The following ANKRD54 variants were observed in gnomAD, a reference collection of about 807,000 sequenced individuals.
ANKRD54 encodes ankyrin repeat domain-containing protein 54.
In ANKRD54, 26 loss-of-function variants were observed where a neutral mutation model predicts 36.2. The ratio of observed to expected loss-of-function variants is 0.72; its 90% CI spans 0.53 to 1.00. The LOEUF is 1.00. Ranked by LOEUF, ANKRD54 falls within the 50% of genes least tolerant of loss-of-function variation. The pLI is 0.00. For synonymous variants in ANKRD54, 209 were observed against 188.4 expected, an observed-to-expected ratio of 1.11 and a Z score of -0.89; for missense variants, 384 against 424.3, an observed-to-expected ratio of 0.91 and a Z score of 0.83.
intron 7 of ANKRD54, 38 bp from the exon 8 acceptor site, chr22:37,832,055 G>T (rs923139765): frequency 2.5e-6 from 4 of 1,573,036 alleles, no homozygotes; most frequent in East Asian, 2.3e-5. Flanking sequence ...TGGGACACGG[G>T]GTGTGCCAGG....
Position 37,832,745 on chromosome 22 carries a change from C to T in ANKRD54, c.721-1G>A, listed in dbSNP as rs1393789104. On this transcript the variant is annotated splice_acceptor_variant, in intron 6 of 7. Transcript: ENST00000215941. LOFTEE classifies it high-confidence loss of function. ...GATACTCCCTCAGCATATGGATGAT[C>T]TGGAACAAGAGGGTGAGCTGAGCTG... is the stretch of plus-strand genomic sequence containing the variant. The T allele has an allele frequency of 6.2e-7, 1 of 1,614,106 alleles. No individual in the cohort carries two copies. Among genetic ancestry groups the T allele is most frequent in the African/African-American group, 1.3e-5 (1 of 75,034 alleles).
At chr22:37,838,646 T>C (rs1449600333) in intron 2 of ANKRD54, 48 bp from the exon 3 acceptor site, 1 of 1,564,942 alleles carries the variant, frequency 6.4e-7, no homozygotes, top group Non-Finnish European at 8.6e-7. Flanking sequence ...GCGGCGATGT[T>C]AGCTAAGCTG....
At chr22:37,847,506 A>G (rs965473410), upstream of ANKRD54, among the ~76,000 whole-genome samples, 2 of 152,060 alleles carry the variant, frequency 1.3e-5, no homozygotes, top group African/African-American at 2.4e-5. Flanking sequence ...ATGTCTCCCA[A>G]AGTTAGCTCG....
upstream of ANKRD54, chr22:37,847,583 A>T: frequency 2.2e-6 from 1 of 459,262 alleles, no homozygotes; most frequent in Non-Finnish European, 4.2e-6. Flanking sequence ...GTTAGATCAG[A>T]TCTCTTTCAC....
At chr22:37,849,237 C>T (rs1925006947), upstream of ANKRD54, 8 of 613,068 alleles carry the variant, frequency 1.3e-5, no homozygotes, top group South Asian at 1.6e-4. Flanking sequence ...GGTGATCCGC[C>T]CGCCTCGGCC....
chr22:37,844,113 G>T lies in ANKRD54; in HGVS notation c.126C>A (p.Phe42Leu). ...DAEGLFSFAD[F>L]GSALGGGGAG... ...CGCCGCCGCCGCCCAGCGCAGACCC[G>T]AAGTCAGCGAAGGAGAAGAGGCCCT... The change falls in exon 1 of 8, where the codon TTC becomes TTA. Residue 42 changes from phenylalanine (F) to leucine (L), a missense_variant. Coordinates refer to ENST00000215941, the MANE Select transcript of ANKRD54 (RefSeq NM_138797.4). 6.7e-7 allele frequency: 1 copy of T among 1,487,888 alleles called. No individual in the cohort carries two copies. Among genetic ancestry groups the T allele is most frequent in the Non-Finnish European group, 8.9e-7 (1 of 1,126,406 alleles). 92.2% of individuals were successfully genotyped at this position (1,487,888 alleles called of 1,614,324 possible).
At chr22:37,838,453 G>A (rs1344442645) in intron 3 of ANKRD54, 47 bp downstream of exon 3, 1 of 1,553,018 alleles carries the variant, frequency 6.4e-7, no homozygotes, top group African/African-American at 1.4e-5. Context: ...CCTGTGCAGA[G>A]ACACTACTTG....
chr22:37,844,213 T>C lies in ANKRD54; in HGVS notation c.26A>G (p.Asp9Gly), dbSNP rs747144835. Residue 9 changes from aspartate to glycine, a missense_variant, in exon 1 of 8, where the codon GAC (aspartate) becomes GGC (glycine). Coordinates refer to ENST00000215941, the MANE Select transcript of ANKRD54 (RefSeq NM_138797.4). ...CGAGTGGCCTGAGCGCGGCTCGTCG[T>C]CCGCGTCCCCGGCGGCGGCTGCCAT... MAAAAGDADDEPRSGHSSS... is the reference protein window; with the variant it reads MAAAAGDAGDEPRSGHSSS... The C allele has an allele frequency of 6.5e-7, 1 of 1,527,350 alleles. No homozygotes were observed. The highest frequency in any genetic ancestry group is 2.0e-5 in the Admixed American group (1 of 50,648). The allele number at this position is 1,527,350 out of a possible 1,614,324, so 94.6% of individuals were successfully genotyped here. A position where few individuals can be genotyped will look rare whatever the true frequency, so the allele number is the denominator to read the frequency against.
rs200164410 is a variant in ANKRD54, at chr22:37,844,276, G to C, written c.-38C>G. On this transcript the variant is annotated 5_prime_UTR_variant, in exon 1 of 8. Transcript: ENST00000215941. The stretch of plus-strand genomic sequence containing the variant: ...GCGCGGGCCTGGCCGCCTGAGCCTC[G>C]TTCCCGACCGACCAACGGACCTACT... 1.1e-5 allele frequency: 17 copies of C among 1,537,668 alleles called. No homozygotes were observed. The Admixed American group carries it at 2.9e-4, about 27-fold the overall frequency.
upstream of ANKRD54, among the ~76,000 whole-genome samples, chr22:37,846,457 C>T (rs775507148): frequency 3.9e-5 from 6 of 152,040 alleles, no homozygotes; most frequent in African/African-American, 1.2e-4. Context: ...TGTGTACCAC[C>T]GTGCCTGGCT....
At chr22:37,833,120 G>T (rs756288645) in intron 5 of ANKRD54, 38 bp from the exon 6 acceptor site, 1 of 1,613,884 alleles carries the variant, frequency 6.2e-7, no homozygotes, top group African/African-American at 1.3e-5. Flanking sequence ...CTGGGGGTGA[G>T]GGGGAGAAAG....
chr22:37,844,368 G>C, upstream of ANKRD54: 1 of 1,050,654 alleles, frequency 9.5e-7, no homozygotes, highest in Middle Eastern at 2.1e-4. Context: ...CACGGCAACC[G>C]AGCGGGGGCG....
rs751458977 is a variant in ANKRD54 at position 37,833,758 on chromosome 22, G to A, written c.476-3C>T. The A allele has an allele frequency of 6.8e-6, 11 of 1,613,922 alleles. No homozygotes were observed. The highest frequency in any genetic ancestry group is 2.2e-5 in the East Asian group (1 of 44,882). On this transcript the variant is annotated splice_polypyrimidine_tract_variant and splice_region_variant and intron_variant, in intron 3 of 7. Transcript: ENST00000215941. ...ACCATGGTCCAGGAGCAGCTGCACT[G>A]GAAACAGGCAAACCCAAGAGGAGTT...
intron 7 of ANKRD54, 77 bp downstream of exon 7, chr22:37,832,560 T>C: frequency 7.5e-7 from 1 of 1,340,078 alleles, no homozygotes; most frequent in Non-Finnish European, 1.1e-6. Context: ...TACGAGTGTC[T>C]GGTGGCATCG....
intron 1 of ANKRD54, among the ~76,000 whole-genome samples, chr22:37,840,785 G>T (rs1924134481): frequency 6.6e-6 from 1 of 151,722 alleles, no homozygotes; most frequent in African/African-American, 2.4e-5. Context: ...TACTCTGGAG[G>T]CTGAGGTAGG....
upstream of ANKRD54, chr22:37,849,305 G>A (rs192554255): frequency 9.0e-6 from 9 of 997,746 alleles, no homozygotes; most frequent in Admixed American, 1.2e-4. Flanking sequence ...CTTCCTTCTG[G>A]ATATGGCTGT....
intron 1 of ANKRD54, 61 bp downstream of exon 1, chr22:37,843,850 A>C (rs1924592786): frequency 1.7e-6 from 2 of 1,151,486 alleles, no homozygotes; most frequent in African/African-American, 3.2e-5. Context: ...TGGTCCTCTG[A>C]GGCCCCGCCC....
intron 1 of ANKRD54, among the ~76,000 whole-genome samples, chr22:37,842,115 C>T (rs1049658365): frequency 6.6e-5 from 10 of 150,512 alleles, no homozygotes; most frequent in Middle Eastern, 3.5e-3. Context: ...TGGTAAAACC[C>T]CATCTCTACT....
Position 37,831,533 on chromosome 22 carries a change from C to G in ANKRD54, c.*410G>C. ...ACGCAGTACCCCTGGCCACAGGGTG[C>G]CCGCCTAAGCCCACACCTGCTGACT... On this transcript the variant is annotated 3_prime_UTR_variant, in exon 8 of 8. Coordinates refer to ENST00000215941, the MANE Select transcript of ANKRD54 (RefSeq NM_138797.4). The G allele has an allele frequency of 5.3e-6, 1 of 187,600 alleles. No individual in the cohort carries two copies. Among genetic ancestry groups the G allele is most frequent in the Admixed American group, 5.5e-5 (1 of 18,302 alleles). 11.6% of individuals were successfully genotyped at this position (187,600 alleles called of 1,614,324 possible).
Sources: gnomAD v4.1 joint callset for allele counts (sites outside exome capture counted in the v4.1 genomes callset) on GRCh38, gnomAD v4.1.1 for gene constraint, MANE v1.5 for transcripts, NCBI Gene and HGNC (gene_info 2026-07-23, HGNC 2026-07-21) for gene names.